Variants in LY75 observed in about 807,000 individuals in gnomAD.
LY75 encodes the protein C-type lectin domain family 13 member B.
In LY75, 185 loss-of-function variants were observed where a neutral mutation model predicts 231.7. The ratio of observed to expected loss-of-function variants is 0.80; its 90% CI spans 0.71 to 0.90. The LOEUF (loss-of-function observed/expected upper bound fraction) is 0.90. Ranked by LOEUF, LY75 falls within the 40% of genes least tolerant of loss-of-function variation. The pLI, the probability that LY75 is intolerant of heterozygous loss-of-function variation, is 0.00. For synonymous variants in LY75, 668 were observed against 689.0 expected (o/e 0.97, Z 0.48); for missense variants, 1,947 against 2,050.2 (o/e 0.95, Z 0.97).
chr2:159,811,154 C>A (rs1032060328), intron 31 of LY75, among the ~76,000 whole-genome samples: 1 of 152,092 alleles, frequency 6.6e-6, no homozygotes, highest in Non-Finnish European at 1.5e-5. Context: ...GGATTACAGG[C>A]GTGACCCCAC....
intron 14 of LY75, among the ~76,000 whole-genome samples, chr2:159,864,601 G>A (rs1684804820): frequency 6.6e-6 from 1 of 152,084 alleles, no homozygotes; most frequent in Admixed American, 6.6e-5. Flanking sequence ...TGGTCTAAGT[G>A]TCTGTTTTTA....
At chr2:159,863,620 T>C (rs1463134183) in intron 14 of LY75, among the ~76,000 whole-genome samples, 5 of 152,264 alleles carry the variant, frequency 3.3e-5, no homozygotes, top group Non-Finnish European at 2.9e-5. Flanking sequence ...GTCTATTCAG[T>C]CATTTGGCCA....
chr2:159,809,652 T>G (rs1171701830), intron 32 of LY75, among the ~76,000 whole-genome samples: 5 of 151,724 alleles, frequency 3.3e-5, no homozygotes, highest in Middle Eastern at 3.4e-3. Flanking sequence ...TATTTTACAT[T>G]TATTATTATT....
chr2:159,848,822 T>C (rs1684296430), intron 23 of LY75, among the ~76,000 whole-genome samples: 1 of 152,088 alleles, frequency 6.6e-6, no homozygotes, highest in Non-Finnish European at 1.5e-5. Flanking sequence ...TAGAACAGAA[T>C]AGGAGATAGT....
intron 25 of LY75, among the ~76,000 whole-genome samples, chr2:159,836,670 T>C (rs922446489): frequency 3.3e-5 from 5 of 152,154 alleles, no homozygotes; most frequent in African/African-American, 4.8e-5. Flanking sequence ...AGCAACACAG[T>C]CAAGCCTCAA....
In LY75 at chr2:159,858,431, T is replaced by C. The variant is rs1297853549; in HGVS notation, c.2314A>G (p.Arg772Gly). ...AAAGGCCTCAAATAAATAAATTCTC[T>C]ATCATCATAGAAATGCCAGCCTCTT... Reference protein sequence around the residue: ...WRRGWHFYDDREFIYLRPFAC... With the variant: ...WRRGWHFYDDGEFIYLRPFAC... The change falls in exon 16 of 35, where the codon AGA becomes GGA. Residue 772 changes from arginine to glycine, a missense_variant. By Grantham distance (125) the Arg-to-Gly change is moderately radical. Transcript: ENST00000263636. The C allele has an allele frequency of 1.2e-6, 2 of 1,613,514 alleles. No individual in the cohort carries two copies. The highest frequency in any genetic ancestry group is 2.2e-5 in the South Asian group (2 of 91,012).
intron 14 of LY75, among the ~76,000 whole-genome samples, chr2:159,861,130 T>A (rs1042378992): frequency 6.6e-6 from 1 of 152,230 alleles, no homozygotes; most frequent in Non-Finnish European, 1.5e-5. Context: ...GTGTATTAAG[T>A]TCGCCGCTGG....
At chr2:159,831,923 T>C (rs1683674803) in intron 27 of LY75, 137 bp from the exon 28 acceptor site, 2 of 677,480 alleles carry the variant, frequency 3.0e-6, no homozygotes, top group East Asian at 3.2e-5. Flanking sequence ...GAAACATATG[T>C]AAAATAAAAT....
intron 1 of LY75, 53 bp from the exon 2 acceptor site, chr2:159,899,112 C>G: frequency 6.4e-7 from 1 of 1,570,564 alleles, no homozygotes; most frequent in East Asian, 2.2e-5. Flanking sequence ...GCGCCTTGCT[C>G]CCTGCCTGCT....
In LY75 at chr2:159,904,683, C is replaced by A; in HGVS notation, c.-1G>T. Reference sequence around the variant, plus strand: ...GAGGGGTCGCCCAGCCTGTCCTCATCCTGAGCTGGCGCAAGCCTTCCGGCC... The same window carrying A: ...GAGGGGTCGCCCAGCCTGTCCTCATACTGAGCTGGCGCAAGCCTTCCGGCC... On this transcript the variant is annotated 5_prime_UTR_variant, in exon 1 of 35. Transcript: ENST00000263636. The A allele has an allele frequency of 1.4e-6, 2 of 1,444,794 alleles. No homozygotes were observed. The highest frequency in any genetic ancestry group is 1.4e-5 in the South Asian group (1 of 72,866). 89.5% of individuals were successfully genotyped at this position (1,444,794 alleles called of 1,614,324 possible).
chr2:159,859,174 T>C (rs922123383), intron 15 of LY75, among the ~76,000 whole-genome samples: 3 of 152,246 alleles, frequency 2.0e-5, no homozygotes, highest in African/African-American at 7.2e-5. Context: ...GTACCAGTGT[T>C]CTCAACACTA....
intron 28 of LY75, among the ~76,000 whole-genome samples, chr2:159,823,573 C>T (rs1182461911): frequency 6.6e-6 from 1 of 152,162 alleles, no homozygotes; most frequent in East Asian, 1.9e-4. Context: ...GACAGGCCAA[C>T]ACTGAAATTC....
intron 23 of LY75, among the ~76,000 whole-genome samples, chr2:159,846,140 AG>A (rs1684195473): frequency 6.6e-6 from 1 of 152,104 alleles, no homozygotes; most frequent in African/African-American, 2.4e-5. Context: ...ACAAGTGGCT[AG>A]GATTAGGGAA....
chr2:159,809,316 G>A (rs1457365941), intron 32 of LY75, among the ~76,000 whole-genome samples: 2 of 152,204 alleles, frequency 1.3e-5, no homozygotes, highest in African/African-American at 4.8e-5. Flanking sequence ...TCACGGGAAA[G>A]AGCCAATCAT....
chr2:159,820,034 G>C, intron 28 of LY75, 114 bp from the exon 29 acceptor site: 1 of 1,049,842 alleles, frequency 9.5e-7, no homozygotes, highest in Non-Finnish European at 1.3e-6. Context: ...CCTTCTAAAA[G>C]GTTGTATGAT....
intron 12 of LY75, among the ~76,000 whole-genome samples, chr2:159,872,918 A>G (rs1685060046): frequency 6.6e-6 from 1 of 152,170 alleles, no homozygotes; most frequent in South Asian, 2.1e-4. Flanking sequence ...AAGGCTGTAA[A>G]GGATACATAT....
At chr2:159,807,914 C>T (rs888351823) in intron 33 of LY75, 11 of 984,698 alleles carry the variant, frequency 1.1e-5, no homozygotes, top group South Asian at 9.4e-5. Context: ...TATAGGTTGG[C>T]GCAAAAGTAA....
intron 20 of LY75, 52 bp downstream of exon 20, chr2:159,853,221 T>C: frequency 2.0e-6 from 3 of 1,536,614 alleles, no homozygotes; most frequent in Non-Finnish European, 2.7e-6. Flanking sequence ...AAACTGAACC[T>C]GAACTTCACA....
At position 159,878,354 on chromosome 2, in the gene LY75, T is replaced by C; in HGVS notation, c.1744A>G (p.Thr582Ala). 1 of 1,614,042 alleles carries C rather than the reference T, an allele frequency of 6.2e-7. No homozygotes were observed. Among genetic ancestry groups the C allele is most frequent in the Non-Finnish European group, 8.5e-7 (1 of 1,179,956 alleles). Reference sequence around the variant, plus strand: ...TCAAGAAAATTCCAGTTGGAAAAGGTTACAGCCCGCCTTCTTCCACCAACA... The same window carrying C: ...TCAAGAAAATTCCAGTTGGAAAAGGCTACAGCCCGCCTTCTTCCACCAACA... ...ATVGGRRRAV[T>A]FSNWNFLEPA... Residue 582 changes from threonine to alanine, a missense_variant, in exon 11 of 35, where the codon ACC becomes GCC. By Grantham distance (58) the Thr-to-Ala change is moderately conservative (BLOSUM62 0). Coordinates refer to ENST00000263636, the MANE Select transcript of LY75 (RefSeq NM_002349.4).
Sources: gnomAD v4.1 joint callset for allele counts (sites outside exome capture counted in the v4.1 genomes callset) on GRCh38, gnomAD v4.1.1 for gene constraint, MANE v1.5 for transcripts, NCBI Gene and HGNC (gene_info 2026-07-23, HGNC 2026-07-21) for gene names.